The following ADCY5 variants were observed in gnomAD, a reference collection of about 807,000 sequenced individuals.
ADCY5 encodes adenylate cyclase type 5.
In ADCY5, 30 loss-of-function variants were observed where a neutral mutation model predicts 119.7. That is an observed-to-expected ratio of 0.25 (90% CI 0.19 to 0.34). The LOEUF (loss-of-function observed/expected upper bound fraction) is 0.34. ADCY5 is among the 10% of genes least tolerant of loss of function. ADCY5 has a pLI of 1.00. For missense variants in ADCY5, 1,324 were observed against 1,775.2 expected, an observed-to-expected ratio of 0.75 and a Z score of 4.57; for synonymous variants, 753 against 762.2, an observed-to-expected ratio of 0.99 and a Z score of 0.20.
intron 12 of ADCY5, among the ~76,000 whole-genome samples, chr3:123,310,103 TACACACACACACACACACACACACACAC>T (rs60966110): frequency 5.0e-5 from 6 of 121,136 alleles, no homozygotes; most frequent in Non-Finnish European, 6.7e-5. Context: ...GAGAGAGATT[TACACACACACACACACACACACACACAC>T]ACACACACAC....
At chr3:123,290,057 A>G in intron 18 of ADCY5, 103 bp from the exon 19 acceptor site, 3 of 1,140,538 alleles carry the variant, frequency 2.6e-6, no homozygotes, top group Non-Finnish European at 3.8e-6. Context: ...ATGGCCCTTC[A>G]TGTGTCCGCT....
chr3:123,431,483 TAG>T (rs2107646600), intron 1 of ADCY5, among the ~76,000 whole-genome samples: 1 of 152,176 alleles, frequency 6.6e-6, no homozygotes, highest in East Asian at 1.9e-4. Flanking sequence ...AAAGAGCTAA[TAG>T]AGTTAATATT....
At chr3:123,316,909 T>A (rs543219084) in intron 11 of ADCY5, among the ~76,000 whole-genome samples, 1 of 152,290 alleles carries the variant, frequency 6.6e-6, no homozygotes, top group African/African-American at 2.4e-5. Context: ...AAAAAAACAC[T>A]GCAAAATATT....
At chr3:123,284,846 G>A (rs1938626901) in intron 20 of ADCY5, 110 bp from the exon 21 acceptor site, 2 of 1,435,938 alleles carry the variant, frequency 1.4e-6, no homozygotes, top group Admixed American at 3.5e-5. Context: ...CCCTGACACA[G>A]AAGGAGAGGG....
intron 17 of ADCY5, 59 bp from the exon 18 acceptor site, chr3:123,291,435 T>C: frequency 6.4e-7 from 1 of 1,553,980 alleles, no homozygotes; most frequent in Non-Finnish European, 8.7e-7. Flanking sequence ...TGTCGGCCCC[T>C]CCACCTCCTC....
At chr3:123,298,927 A>G (rs980659584) in intron 15 of ADCY5, among the ~76,000 whole-genome samples, 2 of 147,334 alleles carry the variant, frequency 1.4e-5, no homozygotes, top group African/African-American at 5.1e-5. Flanking sequence ...ACATCTTACT[A>G]CTATGGGCGT....
At position 123,283,099 on chromosome 3, in the gene ADCY5, C is replaced by T. The variant is rs915423749; in HGVS notation, c.*1509G>A. On this transcript the variant is annotated 3_prime_UTR_variant, in exon 21 of 21. Transcript: ENST00000462833. ...CTCTAAAGCTGGGCTCTACCCATTC[C>T]TCTGCCTGGTTTGCCGGTGGAGGTC... 2.6e-5 allele frequency: 4 copies of T among 152,232 alleles called. No homozygotes were observed. Among genetic ancestry groups the T allele is most frequent in the African/African-American group, 9.7e-5 (4 of 41,444 alleles). The allele number at this position is 152,232 out of a possible 1,614,324, so 9.4% of individuals were successfully genotyped here. A position where few individuals can be genotyped will look rare whatever the true frequency, so the allele number is the denominator to read the frequency against.
chr3:123,394,599 G>A (rs1280520343), intron 1 of ADCY5, among the ~76,000 whole-genome samples: 1 of 152,198 alleles, frequency 6.6e-6, no homozygotes, highest in Non-Finnish European at 1.5e-5. Context: ...AAGGTAGGAT[G>A]GGGGCGGGGC....
At chr3:123,397,809 A>C (rs1944644663) in intron 1 of ADCY5, among the ~76,000 whole-genome samples, 2 of 152,174 alleles carry the variant, frequency 1.3e-5, no homozygotes, top group African/African-American at 2.4e-5. Context: ...ACTGAGGAAA[A>C]GGGGGCTTTT....
At chr3:123,317,947 A>G in intron 11 of ADCY5, 73 bp downstream of exon 11, 8 of 1,407,248 alleles carry the variant, frequency 5.7e-6, no homozygotes, top group Non-Finnish European at 8.0e-6. Context: ...GTTCTCCTAA[A>G]TGACCACCCC....
chr3:123,384,457 C>T (rs529703423), intron 1 of ADCY5, among the ~76,000 whole-genome samples: 12 of 152,152 alleles, frequency 7.9e-5, no homozygotes, highest in Non-Finnish European at 1.5e-4. Context: ...GCCCCAGAAG[C>T]GAAGCCCTGC....
chr3:123,440,990 G>A (rs1945712346), intron 1 of ADCY5, among the ~76,000 whole-genome samples: 1 of 152,206 alleles, frequency 6.6e-6, no homozygotes, highest in Non-Finnish European at 1.5e-5. Flanking sequence ...TGTATGCACT[G>A]ATTGTGCTTC....
intron 1 of ADCY5, among the ~76,000 whole-genome samples, chr3:123,412,534 G>T (rs1377928429): frequency 1.3e-5 from 2 of 152,182 alleles, no homozygotes; most frequent in Non-Finnish European, 2.9e-5. Context: ...AGCACTGACA[G>T]CCTCTGTGTT....
chr3:123,366,501 G>A (rs562545555), intron 1 of ADCY5, among the ~76,000 whole-genome samples: 2 of 152,366 alleles, frequency 1.3e-5, no homozygotes, highest in East Asian at 1.9e-4. Flanking sequence ...GACAGAAAAG[G>A]GAAGGGGGGC....
chr3:123,289,359 G>A (rs1215774607), intron 19 of ADCY5, among the ~76,000 whole-genome samples: 5 of 152,248 alleles, frequency 3.3e-5, no homozygotes, highest in Admixed American at 3.3e-4. Context: ...AAATGGGACT[G>A]CCATCTGCTG....
intron 1 of ADCY5, among the ~76,000 whole-genome samples, chr3:123,415,187 C>A (rs1945156731): frequency 6.6e-6 from 1 of 152,242 alleles, no homozygotes; most frequent in African/African-American, 2.4e-5. Flanking sequence ...GCTTAGGTTG[C>A]CAAGGGAGGG....
At chr3:123,407,275 C>T (rs190661062) in intron 1 of ADCY5, among the ~76,000 whole-genome samples, 6 of 152,232 alleles carry the variant, frequency 3.9e-5, no homozygotes, top group African/African-American at 1.4e-4. Context: ...TCCTGAGATG[C>T]CCTCTCTTCT....
In ADCY5 at chr3:123,286,698, G is replaced by T; in HGVS notation, c.3644C>A (p.Pro1215His). ...TCCTGCACTCACCTGGATGCGGTCG[G>T]GTACACCGGTGCTGTCCATGCGGCT... is the stretch of plus-strand genomic sequence containing the variant. ...VASRMDSTGV[P>H]DRIQVTTDMY... Residue 1215 changes from proline (P) to histidine (H), a missense_variant, in exon 20 of 21, where the codon CCC becomes CAC. By Grantham distance (77) the Pro-to-His change is moderately conservative. Coordinates refer to ENST00000462833, the MANE Select transcript of ADCY5 (RefSeq NM_183357.3). This position sits in a 1 kb window ranked among gnomAD's most constrained non-coding sequence, Gnocchi z 4.2. 2 of 1,612,088 alleles carry T rather than the reference G, an allele frequency of 1.2e-6. No homozygotes were observed. The highest frequency in any genetic ancestry group is 1.7e-6 in the Non-Finnish European group (2 of 1,179,076).
chr3:123,372,011 C>T (rs1943660731), intron 1 of ADCY5, among the ~76,000 whole-genome samples: 1 of 152,162 alleles, frequency 6.6e-6, no homozygotes. Flanking sequence ...TTCTGCTGGG[C>T]CATTATGCAG....
Sources: allele counts gnomAD v4.1 joint callset (sites outside exome capture counted in the v4.1 genomes callset), GRCh38; gene constraint gnomAD v4.1.1; non-coding constraint Gnocchi (gnomAD v3.1); transcripts MANE v1.5; gene names NCBI Gene and HGNC (gene_info 2026-07-23, HGNC 2026-07-21).